Variants in SORD observed in about 807,000 individuals in gnomAD.
SORD encodes sorbitol dehydrogenase, also known as (R,R)-butanediol dehydrogenase.
A neutral mutation model predicts 35.6 loss-of-function variants in SORD; 18 were observed. The ratio of observed to expected loss-of-function variants is 0.51; its 90% CI spans 0.35 to 0.75. The LOEUF (loss-of-function observed/expected upper bound fraction) is 0.75. Ranked by LOEUF, SORD falls within the 30% of genes least tolerant of loss-of-function variation. SORD has a pLI of 0.01. For missense variants in SORD, 250 were observed against 390.2 expected (o/e 0.64, Z 3.03); for synonymous variants, 106 against 152.9 (o/e 0.69, Z 2.26).
intron 1 of SORD, among the ~76,000 whole-genome samples, chr15:45,025,414 G>T (rs1298591099): frequency 1.3e-5 from 2 of 152,082 alleles, no homozygotes; most frequent in African/African-American, 4.8e-5. Flanking sequence ...AAGGTAGGCA[G>T]ATCGCTTGAG....
At chr15:45,062,482 T>C (rs1436459702) in intron 4 of SORD, among the ~76,000 whole-genome samples, 2 of 151,948 alleles carry the variant, frequency 1.3e-5, no homozygotes, top group Admixed American at 6.5e-5. Context: ...AGTGGTGGTT[T>C]TCAGCCAGGA....
At chr15:45,024,588 C>A (rs1566955145) in intron 1 of SORD, among the ~76,000 whole-genome samples, 2 of 152,092 alleles carry the variant, frequency 1.3e-5, no homozygotes, top group Admixed American at 1.3e-4. Context: ...AGCCTCCACC[C>A]AAGGTCCTGA....
intron 1 of SORD, among the ~76,000 whole-genome samples, chr15:45,035,714 T>C (rs1190548934): frequency 6.6e-6 from 1 of 152,218 alleles, no homozygotes; most frequent in Non-Finnish European, 1.5e-5. Context: ...ACACACTGCC[T>C]TTATGAGCTG....
At chr15:45,037,780 A>G (rs1039258024) in intron 1 of SORD, among the ~76,000 whole-genome samples, 8 of 151,814 alleles carry the variant, frequency 5.3e-5, no homozygotes, top group African/African-American at 1.9e-4. Context: ...GGAGGGGACC[A>G]TCACACACCA....
At chr15:45,063,095 G>A (rs1893347990) in intron 4 of SORD, among the ~76,000 whole-genome samples, 1 of 144,398 alleles carries the variant, frequency 6.9e-6, no homozygotes, top group African/African-American at 2.6e-5. Context: ...CAGTGGCAGT[G>A]GGGGTGCTGA....
chr15:45,063,079 C>T (rs1483901362), intron 4 of SORD, among the ~76,000 whole-genome samples: 18 of 144,428 alleles, frequency 1.2e-4, no homozygotes, highest in African/African-American at 4.7e-4. Context: ...CTCTGGCTGG[C>T]AGTGGCAGTG....
intron 3 of SORD, among the ~76,000 whole-genome samples, chr15:45,046,678 G>A (rs1003217362): frequency 2.6e-5 from 4 of 152,186 alleles, no homozygotes; most frequent in African/African-American, 9.7e-5. Context: ...CTAGAAAGAA[G>A]ACCACAACTC....
At chr15:45,065,249 T>A in intron 4 of SORD, 22 bp from the exon 5 acceptor site, 1 of 1,543,400 alleles carries the variant, frequency 6.5e-7, no homozygotes, top group Non-Finnish European at 8.9e-7. Context: ...AGAGGATCTC[T>A]GTGTGTCAAT....
At position 45,042,180 on chromosome 15, in the gene SORD, G is replaced by A. The variant is rs114208441; in HGVS notation, c.101-1077G>A. 7.3e-3 allele frequency among the ~76,000 whole-genome samples: 1,105 copies of A among 152,236 alleles called. 10 individuals carry two copies. Among genetic ancestry groups the A allele is most frequent in the African/African-American group, 0.025 (1,020 of 41,544 alleles). On this transcript the variant is annotated intron_variant, in intron 2 of 8. Transcript: ENST00000267814. ...GTACTTATTTCACCAAAGGGGCTCA[G>A]TACCATCTTTATTTTAAACTTAGAA...
intron 3 of SORD, among the ~76,000 whole-genome samples, chr15:45,060,025 A>G (rs1893277298): frequency 1.3e-5 from 2 of 152,222 alleles, no homozygotes; most frequent in African/African-American, 4.8e-5. Context: ...AGGTAGTGGT[A>G]GTGTTCTGTA....
chr15:45,029,929 G>A (rs1022827986), intron 1 of SORD, among the ~76,000 whole-genome samples: 9 of 152,226 alleles, frequency 5.9e-5, no homozygotes, highest in Non-Finnish European at 8.8e-5. Context: ...TAGGAAGTGC[G>A]TATTGATGGG....
At position 45,051,073 on chromosome 15, in the gene SORD, A is replaced by G. The variant is rs538824722; in HGVS notation, c.265+7652A>G. Reference sequence around the variant, plus strand: ...AACCTGCATTTGAGAGCACCTATCAAAGTCCTATAGCTGATTATAAACTAT... The same window carrying G: ...AACCTGCATTTGAGAGCACCTATCAGAGTCCTATAGCTGATTATAAACTAT... On this transcript the variant is annotated intron_variant, in intron 3 of 8. Coordinates refer to ENST00000267814, the MANE Select transcript of SORD (RefSeq NM_003104.6). Among the ~76,000 whole-genome samples the G allele has an allele frequency of 2.0e-5, 3 of 152,372 alleles. No homozygotes were observed. The South Asian group carries it at 6.2e-4, about 32-fold the overall frequency.
chr15:45,034,233 A>G (rs920331753), intron 1 of SORD, among the ~76,000 whole-genome samples: 32 of 152,200 alleles, frequency 2.1e-4, no homozygotes, highest in Admixed American at 4.6e-4. Context: ...CACAGGGGTT[A>G]CATAACTACC....
chr15:45,028,817 C>G (rs1892722072), intron 1 of SORD, among the ~76,000 whole-genome samples: 1 of 152,234 alleles, frequency 6.6e-6, no homozygotes, highest in South Asian at 2.1e-4. Flanking sequence ...TAAGATAAAT[C>G]TATATCTGTA....
At chr15:45,028,629 T>A (rs1012308358) in intron 1 of SORD, among the ~76,000 whole-genome samples, 265 of 152,354 alleles carry the variant, frequency 1.7e-3, no homozygotes, top group African/African-American at 6.2e-3. Context: ...GATGGGTTAA[T>A]GTTGTTTAAT....
intron 1 of SORD, among the ~76,000 whole-genome samples, chr15:45,034,835 G>C (rs1892834996): frequency 6.6e-6 from 1 of 152,254 alleles, no homozygotes; most frequent in South Asian, 2.1e-4. Flanking sequence ...GGTGTGGAGA[G>C]AGAGGCGCGA....
chr15:45,060,112 T>C (rs1410240165), intron 3 of SORD, among the ~76,000 whole-genome samples: 2 of 152,168 alleles, frequency 1.3e-5, no homozygotes, highest in Non-Finnish European at 2.9e-5. Flanking sequence ...TAGTTAATGA[T>C]ATGCAGGCTG....
chr15:45,044,149 T>C (rs1297638334), intron 3 of SORD, among the ~76,000 whole-genome samples: 1 of 152,228 alleles, frequency 6.6e-6, no homozygotes, highest in African/African-American at 2.4e-5. Context: ...TGTTTAGGGA[T>C]GTTAAGTCAT....
intron 5 of SORD, among the ~76,000 whole-genome samples, chr15:45,067,054 C>A (rs1034530461): frequency 4.6e-5 from 7 of 152,122 alleles, no homozygotes; most frequent in Admixed American, 4.6e-4. Flanking sequence ...AATACGCTTC[C>A]TTTACCTACT....
Sources: allele counts gnomAD v4.1 joint callset (sites outside exome capture counted in the v4.1 genomes callset), GRCh38; gene constraint gnomAD v4.1.1; transcripts MANE v1.5; gene names NCBI Gene and HGNC (gene_info 2026-07-23, HGNC 2026-07-21).